ARHGAP32: variants seen among roughly 807,000 people sequenced by gnomAD.
ARHGAP32 encodes Rho GTPase activating protein 32.
ARHGAP32 carries 51 observed loss-of-function variants against 186.5 expected under a neutral mutation model. The ratio of observed to expected loss-of-function variants is 0.27; its 90% CI spans 0.22 to 0.35. The LOEUF (loss-of-function observed/expected upper bound fraction) is 0.35. ARHGAP32 is among the 10% of genes least tolerant of loss of function. The pLI, the probability that ARHGAP32 is intolerant of heterozygous loss-of-function variation, is 1.00. For synonymous variants in ARHGAP32, 950 were observed against 964.3 expected, an observed-to-expected ratio of 0.99 and a Z score of 0.27; for missense variants, 2,186 against 2,623.5, an observed-to-expected ratio of 0.83 and a Z score of 3.64.
In ARHGAP32 at chr11:129,078,091, G is replaced by A. The variant is rs147806258; in HGVS notation, c.532-11223C>T. Among the ~76,000 whole-genome samples, 606 of 152,152 alleles carry A rather than the reference G, an allele frequency of 4.0e-3. 4 individuals are homozygous for A. Among genetic ancestry groups the A allele is most frequent in the Admixed American group, 0.019 (283 of 15,280 alleles). On this transcript the variant is annotated intron_variant, in intron 6 of 22. Transcript: ENST00000682385. ...CTTCATTCCTCTGCTACCTCCACTG[G>A]GGCAGGTGCTGGCATCCATGGCTGA...
At chr11:129,125,819 T>C in intron 2 of ARHGAP32, 1 of 382,950 alleles carries the variant, frequency 2.6e-6, no homozygotes, top group South Asian at 2.0e-5. Context: ...TTAGCAAATT[T>C]AACTATTTAT....
chr11:129,262,847 T>A (rs1945341548), intron 1 of ARHGAP32, among the ~76,000 whole-genome samples: 1 of 152,238 alleles, frequency 6.6e-6, no homozygotes, highest in Non-Finnish European at 1.5e-5. Flanking sequence ...TATAAATTAC[T>A]TCAAGGTTAA....
chr11:129,060,378 T>TAGATAGAC (rs1555082398), intron 10 of ARHGAP32, among the ~76,000 whole-genome samples: 2 of 145,118 alleles, frequency 1.4e-5, no homozygotes, highest in African/African-American at 2.5e-5. Context: ...GATAGATAGA[T>TAGATAGAC]AGATAAGATA....
chr11:129,262,304 G>GTTACTACCTAT (rs1945331823), intron 1 of ARHGAP32, among the ~76,000 whole-genome samples: 1 of 151,666 alleles, frequency 6.6e-6, no homozygotes, highest in Non-Finnish European at 1.5e-5. Context: ...CTTCTAATAG[G>GTTACTACCTAT]TAGTAAATAT....
chr11:129,193,736 T>C (rs1484129873), upstream of ARHGAP32, among the ~76,000 whole-genome samples: 1 of 95,234 alleles, frequency 1.1e-5, no homozygotes, highest in African/African-American at 4.0e-5. Flanking sequence ...ATATATAATA[T>C]ATATTATATA....
intron 12 of ARHGAP32, among the ~76,000 whole-genome samples, chr11:128,996,101 A>C (rs756041830): frequency 8.5e-5 from 13 of 152,208 alleles, no homozygotes; most frequent in South Asian, 4.1e-4. Flanking sequence ...ATGGCACTGG[A>C]TATCATAATT....
intron 6 of ARHGAP32, among the ~76,000 whole-genome samples, chr11:129,084,617 T>TA (rs1941323038): frequency 6.6e-6 from 1 of 151,998 alleles, no homozygotes; most frequent in Admixed American, 6.6e-5. Flanking sequence ...CACCCATTCA[T>TA]AAAAAACTCT....
Position 129,237,005 on chromosome 11 carries a change from A to T in ARHGAP32, c.-5+42141T>A, listed in dbSNP as rs564543814. ...TCCTTTTCTTGCATCTATTGAGATG[A>T]TCATGTGATTTCCATTTTTCATTCT... is the stretch of plus-strand genomic sequence containing the variant. On this transcript the variant is annotated intron_variant, in intron 1 of 6. Coordinates refer to the ARHGAP32 transcript ENST00000525234. Among the ~76,000 whole-genome samples, 4 of 152,300 alleles carry T rather than the reference A, an allele frequency of 2.6e-5. No homozygotes were observed. The East Asian group carries it at 7.7e-4, about 29-fold the overall frequency.
chr11:129,275,089 A>G (rs1011446835), intron 1 of ARHGAP32, among the ~76,000 whole-genome samples: 4 of 152,238 alleles, frequency 2.6e-5, no homozygotes, highest in Non-Finnish European at 5.9e-5. Flanking sequence ...ACTACAGCAT[A>G]CAGGAAATTT....
chr11:129,122,074 A>G (rs1942545752), intron 5 of ARHGAP32, among the ~76,000 whole-genome samples: 2 of 152,168 alleles, frequency 1.3e-5, no homozygotes, highest in African/African-American at 4.8e-5. Context: ...TTTCCTAAGA[A>G]GCAAAAAGAA....
At chr11:129,153,888 C>A (rs1410313647) in intron 2 of ARHGAP32, among the ~76,000 whole-genome samples, 1 of 152,010 alleles carries the variant, frequency 6.6e-6, no homozygotes, top group African/African-American at 2.4e-5. Flanking sequence ...TAGGCAGGAC[C>A]TAATTAAACT....
intron 12 of ARHGAP32, among the ~76,000 whole-genome samples, chr11:128,991,685 A>C (rs1228545898): frequency 2.0e-5 from 3 of 152,210 alleles, no homozygotes; most frequent in Non-Finnish European, 4.4e-5. Context: ...TGACTTTCAG[A>C]ATCATTCCCA....
Position 128,978,668 on chromosome 11 carries a change from A to AC in ARHGAP32, c.2122+101dup, listed in dbSNP as rs1360403379. On this transcript the variant is annotated intron_variant, in intron 19 of 22. Transcript: ENST00000682385. ...CTCTGTATGTGTGACACAACTGTGA[A>AC]CACGTTATGGAAGCAGATCATAACA... The AC allele has an allele frequency of 1.6e-5, 19 of 1,223,024 alleles. No homozygotes were observed. In the African/African-American group the frequency reaches 2.8e-4, roughly 18 times the overall value. 75.8% of individuals were successfully genotyped at this position (1,223,024 alleles called of 1,614,324 possible). A position where few individuals can be genotyped will look rare whatever the true frequency, so the allele number is the denominator to read the frequency against.
At chr11:129,087,531 T>C (rs960514815) in intron 6 of ARHGAP32, among the ~76,000 whole-genome samples, 3 of 152,158 alleles carry the variant, frequency 2.0e-5, no homozygotes, top group Admixed American at 6.5e-5. Flanking sequence ...TGTGGTATCT[T>C]AGAAAAGGCA....
chr11:128,995,287 G>C (rs1382429185), intron 12 of ARHGAP32, among the ~76,000 whole-genome samples: 2 of 152,016 alleles, frequency 1.3e-5, no homozygotes, highest in Non-Finnish European at 2.9e-5. Flanking sequence ...GCTTACTGTA[G>C]TCTCCAACTC....
Position 129,015,614 on chromosome 11 carries a change from C to T in ARHGAP32, c.1046-17146G>A, listed in dbSNP as rs77153853. ...CCATCCATGTAACGACATACTGTAA[C>T]GACATGTGTATGTAGCCATAAACAA... On this transcript the variant is annotated intron_variant, in intron 11 of 22. Transcript: ENST00000682385. 5.6e-4 allele frequency among the ~76,000 whole-genome samples: 86 copies of T among 152,216 alleles called. 3 individuals carry two copies. The East Asian group carries it at 0.014, about 24-fold the overall frequency.
intron 2 of ARHGAP32, among the ~76,000 whole-genome samples, chr11:129,155,094 T>G (rs755660089): frequency 1.3e-5 from 2 of 152,208 alleles, no homozygotes; most frequent in Admixed American, 6.5e-5. Flanking sequence ...ATTGGAACAC[T>G]GTCACACTCA....
intron 6 of ARHGAP32, among the ~76,000 whole-genome samples, chr11:129,093,370 G>C (rs1019310933): frequency 2.0e-5 from 3 of 152,032 alleles, no homozygotes; most frequent in African/African-American, 4.8e-5. Flanking sequence ...GTGCAAAGAG[G>C]AGACATGCAA....
At chr11:129,087,340 T>C (rs143971408) in intron 6 of ARHGAP32, among the ~76,000 whole-genome samples, 2 of 152,334 alleles carry the variant, frequency 1.3e-5, no homozygotes, top group East Asian at 3.9e-4. Flanking sequence ...TAGAAGCAAC[T>C]GAGATGTCTT....
Sources: allele counts gnomAD v4.1 joint callset (sites outside exome capture counted in the v4.1 genomes callset), GRCh38; gene constraint gnomAD v4.1.1; transcripts MANE v1.5; gene names NCBI Gene and HGNC (gene_info 2026-07-23, HGNC 2026-07-21).